RIPPLY3: variants seen among roughly 807,000 people sequenced by gnomAD.
RIPPLY3 encodes the protein ripply transcriptional repressor 3.
RIPPLY3 carries 8 observed loss-of-function variants against 11.9 expected under a neutral mutation model. The ratio of observed to expected loss-of-function variants is 0.67; its 90% CI spans 0.40 to 1.21. RIPPLY3 has a LOEUF of 1.21. RIPPLY3 is among the 50% of genes most tolerant of loss of function. The pLI is 0.01. For missense variants in RIPPLY3, 271 were observed against 246.0 expected, an observed-to-expected ratio of 1.10 and a Z score of -0.68; for synonymous variants, 102 against 99.0, an observed-to-expected ratio of 1.03 and a Z score of -0.18.
rs559194280 is a variant in RIPPLY3 at position 37,018,494 on chromosome 21, C to T, written c.*287C>T. ...TCTCATAGAGCCAGTTTTCAAAGCTCCTTCTGCATTGTCACTCACTGATCA... is the reference window on the plus strand; with the variant it reads ...TCTCATAGAGCCAGTTTTCAAAGCTTCTTCTGCATTGTCACTCACTGATCA... On this transcript the variant is annotated 3_prime_UTR_variant, in exon 4 of 4. Coordinates refer to ENST00000329553, the MANE Select transcript of RIPPLY3 (RefSeq NM_018962.3). The T allele has an allele frequency of 2.5e-6, 1 of 403,442 alleles. No homozygotes were observed. The highest frequency in any genetic ancestry group is 2.0e-5 in the African/African-American group (1 of 49,762). 25.0% of individuals were successfully genotyped at this position (403,442 alleles called of 1,614,324 possible).
At chr21:37,011,612 T>C (rs531438021) in intron 2 of RIPPLY3, among the ~76,000 whole-genome samples, 1 of 152,300 alleles carries the variant, frequency 6.6e-6, no homozygotes, top group African/African-American at 2.4e-5. Context: ...AACAACTTTA[T>C]GGAAAAGATT....
intron 3 of RIPPLY3, 92 bp downstream of exon 3, chr21:37,013,710 C>A: frequency 1.2e-6 from 1 of 868,384 alleles, no homozygotes. Context: ...AGATTGTCAA[C>A]AAAGTGGAAA....
chr21:37,017,152 CA>C (rs552999886), intron 3 of RIPPLY3, among the ~76,000 whole-genome samples: 10,817 of 106,846 alleles, frequency 0.1, 655 homozygotes, highest in African/African-American at 0.25. Flanking sequence ...GACTCCCTTT[CA>C]AAAAAAAAAA....
intron 2 of RIPPLY3, among the ~76,000 whole-genome samples, chr21:37,012,328 C>T (rs1368213920): frequency 6.6e-6 from 1 of 151,938 alleles, no homozygotes; most frequent in Non-Finnish European, 1.5e-5. Flanking sequence ...ACCTCCGCTT[C>T]CCGGGTTCAG....
At position 37,010,953 on chromosome 21, in the gene RIPPLY3, C is replaced by T. The variant is rs111620491; in HGVS notation, c.172-2598C>T. Among the ~76,000 whole-genome samples, 919 of 152,026 alleles carry T rather than the reference C, an allele frequency of 6.0e-3. 10 individuals are homozygous for T. The highest frequency in any genetic ancestry group is 0.017 in the African/African-American group (706 of 41,478). On this transcript the variant is annotated intron_variant, in intron 2 of 3. Transcript: ENST00000329553. Reference sequence around the variant, plus strand: ...ATATTTAGACATTTCCCTCAGCAGACAAAGGATCCTTTTGGAAAACAATCA... The same window carrying T: ...ATATTTAGACATTTCCCTCAGCAGATAAAGGATCCTTTTGGAAAACAATCA...
At chr21:37,009,269 G>A (rs898957968) in intron 2 of RIPPLY3, among the ~76,000 whole-genome samples, 1 of 150,408 alleles carries the variant, frequency 6.6e-6, no homozygotes, top group African/African-American at 2.5e-5. Flanking sequence ...AAACACTGAA[G>A]AATTAGGCTG....
At chr21:37,011,146 G>A (rs2069517432) in intron 2 of RIPPLY3, among the ~76,000 whole-genome samples, 1 of 152,160 alleles carries the variant, frequency 6.6e-6, no homozygotes, top group Non-Finnish European at 1.5e-5. Flanking sequence ...GGGATTACAA[G>A]CGTGCGCCAC....
Position 37,017,895 on chromosome 21 carries a change from G to T in RIPPLY3, c.261G>T (p.Lys87Asn). The change falls in exon 4 of 4, where the codon AAG (lysine) becomes AAT (asparagine). Residue 87 changes from lysine (K) to asparagine (N), a missense_variant. Transcript: ENST00000329553. ...TTAGAGTCTATTTACCCATGTCAAAGCGTCAAGAATACCTGCGGAGTTCCG... is the reference window on the plus strand; with the variant it reads ...TTAGAGTCTATTTACCCATGTCAAATCGTCAAGAATACCTGCGGAGTTCCG... ...HPVRVYLPMS[K>N]RQEYLRSSGE... 6.2e-7 allele frequency: 1 copy of T among 1,612,954 alleles called. No homozygotes were observed. Among genetic ancestry groups the T allele is most frequent in the Non-Finnish European group, 8.5e-7 (1 of 1,179,440 alleles).
chr21:37,013,356 C>CA (rs1189934987), intron 2 of RIPPLY3, among the ~76,000 whole-genome samples, 195 bp from the exon 3 acceptor site: 1 of 152,194 alleles, frequency 6.6e-6, no homozygotes, highest in Non-Finnish European at 1.5e-5. Context: ...GAATTCTTCA[C>CA]AGTGCCTGGG....
At chr21:37,007,974 A>G (rs1324522059) in intron 1 of RIPPLY3, among the ~76,000 whole-genome samples, 183 bp from the exon 2 acceptor site, 1 of 152,224 alleles carries the variant, frequency 6.6e-6, no homozygotes, top group Non-Finnish European at 1.5e-5. Context: ...GGGACGTAGC[A>G]GGAGAGAAAA....
chr21:37,017,749 T>C (rs922971477), intron 3 of RIPPLY3, 125 bp from the exon 4 acceptor site: 3 of 768,368 alleles, frequency 3.9e-6, no homozygotes, highest in South Asian at 1.9e-5. Flanking sequence ...ATTCTGTGTG[T>C]TGTGAAGGCA....
At chr21:37,008,584 C>T (rs2069489534) in intron 2 of RIPPLY3, among the ~76,000 whole-genome samples, 1 of 151,924 alleles carries the variant, frequency 6.6e-6, no homozygotes, top group Non-Finnish European at 1.5e-5. Context: ...ATGGCGAAAC[C>T]CCGTCTCTAC....
intron 2 of RIPPLY3, among the ~76,000 whole-genome samples, chr21:37,009,443 A>G (rs2069499440): frequency 6.6e-6 from 1 of 152,242 alleles, no homozygotes; most frequent in Non-Finnish European, 1.5e-5. Context: ...ATTTTAATTT[A>G]CTTCAAAGAA....
Position 37,018,095 on chromosome 21 carries a change from A to G in RIPPLY3, c.461A>G (p.Asp154Gly), listed in dbSNP as rs2069598869. 4 of 1,613,922 alleles carry G rather than the reference A, an allele frequency of 2.5e-6. No homozygotes were observed. In the African/African-American group the frequency reaches 5.3e-5, roughly 22 times the overall value. The change falls in exon 4 of 4, where the codon GAC becomes GGC. Residue 154 changes from aspartate to glycine, a missense_variant. Asp to Gly is a moderately conservative substitution (Grantham distance 94). Coordinates refer to ENST00000329553, the MANE Select transcript of RIPPLY3 (RefSeq NM_018962.3). The stretch of plus-strand genomic sequence containing the variant: ...AATGGCCCAGGGGGAAAGGGCAGAG[A>G]CCAGGGCATCAACCAAGGGCAGCGA... ...QENGPGGKGR[D>G]QGINQGQRSS...
chr21:37,018,346 A>G lies in RIPPLY3; in HGVS notation c.*139A>G. On this transcript the variant is annotated 3_prime_UTR_variant, in exon 4 of 4. Coordinates refer to ENST00000329553, the MANE Select transcript of RIPPLY3 (RefSeq NM_018962.3). ...TCGGGCAGCCCCTGGCCTGCACACT[A>G]CTCATGACAGAAAGTCAGCTTTTAC... 1.5e-6 allele frequency: 1 copy of G among 657,594 alleles called. No individual in the cohort carries two copies. Among genetic ancestry groups the G allele is most frequent in the Non-Finnish European group, 2.6e-6 (1 of 385,100 alleles). The allele number at this position is 657,594 out of a possible 1,614,324, so 40.7% of individuals were successfully genotyped here.
At position 37,017,873 on chromosome 21, in the gene RIPPLY3, G is replaced by A. The variant is rs200584079; in HGVS notation, c.240-1G>A. ...TGGTATATTTGTTTCTTAAATATTA[G>A]AGTCTATTTACCCATGTCAAAGCGT... On this transcript the variant is annotated splice_acceptor_variant, in intron 3 of 3. Transcript: ENST00000329553. LOFTEE classifies it high-confidence loss of function. 179 of 1,601,562 alleles carry A rather than the reference G, an allele frequency of 1.1e-4. No individual in the cohort carries two copies. Among genetic ancestry groups the A allele is most frequent in the Non-Finnish European group, 1.5e-4 (176 of 1,173,136 alleles).
chr21:37,006,667 C>G (rs2069466473), upstream of RIPPLY3: 1 of 695,960 alleles, frequency 1.4e-6, no homozygotes, highest in Non-Finnish European at 2.0e-6. This position sits in a 1 kb window ranked among gnomAD's most constrained non-coding sequence, Gnocchi z 5.2. Context: ...CGCCCCGCCC[C>G]CGTTTTTAAA....
At chr21:37,016,366 T>A (rs1460332891) in intron 3 of RIPPLY3, among the ~76,000 whole-genome samples, 1 of 152,170 alleles carries the variant, frequency 6.6e-6, no homozygotes, top group Non-Finnish European at 1.5e-5. Flanking sequence ...CTATTGGATA[T>A]CTTATGAAGT....
chr21:37,017,396 A>G (rs551223913), intron 3 of RIPPLY3, among the ~76,000 whole-genome samples: 1 of 152,134 alleles, frequency 6.6e-6, no homozygotes, highest in African/African-American at 2.4e-5. Flanking sequence ...TCTCTAGACC[A>G]GGGTTTCAGA....
Sources: gnomAD v4.1 joint callset for allele counts (sites outside exome capture counted in the v4.1 genomes callset) on GRCh38, gnomAD v4.1.1 for gene constraint, Gnocchi (gnomAD v3.1) non-coding constraint, MANE v1.5 for transcripts, NCBI Gene and HGNC (gene_info 2026-07-23, HGNC 2026-07-21) for gene names.